Variants in PTPRT observed in about 807,000 individuals in gnomAD.
PTPRT encodes receptor-type tyrosine-protein phosphatase T.
PTPRT carries 56 observed loss-of-function variants against 176.8 expected under a neutral mutation model. The ratio of observed to expected loss-of-function variants is 0.32; its 90% CI spans 0.26 to 0.40. PTPRT has a LOEUF of 0.40. PTPRT is among the 10% of genes least tolerant of loss of function. PTPRT has a pLI of 1.00. For missense variants in PTPRT, 1,540 were observed against 1,908.2 expected (o/e 0.81, Z 3.60); for synonymous variants, 783 against 739.0 (o/e 1.06, Z -0.96).
chr20:43,087,242 T>C (rs2011632602), intron 1 of PTPRT, among the ~76,000 whole-genome samples: 2 of 152,188 alleles, frequency 1.3e-5, no homozygotes, highest in Admixed American at 6.5e-5. Flanking sequence ...CTTAATCTTT[T>C]AAGAGCTATC....
At chr20:42,619,938 G>T (rs1479365421) in intron 7 of PTPRT, among the ~76,000 whole-genome samples, 1 of 147,708 alleles carries the variant, frequency 6.8e-6, no homozygotes, top group Non-Finnish European at 1.5e-5. Context: ...TCTTCTCTCA[G>T]CTCGTCAAAG....
intron 1 of PTPRT, among the ~76,000 whole-genome samples, chr20:43,050,839 A>G (rs1221859720): frequency 6.6e-6 from 1 of 152,220 alleles, no homozygotes; most frequent in African/African-American, 2.4e-5. Context: ...TCCCACTGGA[A>G]GGAGCACAGG....
intron 29 of PTPRT, among the ~76,000 whole-genome samples, chr20:42,084,292 T>G (rs1983649341): frequency 6.6e-6 from 1 of 152,238 alleles, no homozygotes; most frequent in African/African-American, 2.4e-5. Flanking sequence ...GGTCTGGAGC[T>G]CACTGTGCCC....
chr20:43,028,577 T>C (rs897870665), intron 1 of PTPRT, among the ~76,000 whole-genome samples: 1 of 152,156 alleles, frequency 6.6e-6, no homozygotes, highest in Non-Finnish European at 1.5e-5. Flanking sequence ...AGGGTTCTGC[T>C]ATTTCAGGGA....
intron 7 of PTPRT, among the ~76,000 whole-genome samples, chr20:42,588,368 T>C (rs1314789665): frequency 2.0e-5 from 3 of 152,036 alleles, no homozygotes; most frequent in African/African-American, 7.2e-5. Context: ...CACCTGAACC[T>C]GGGAGGTGAA....
At chr20:43,151,691 G>A (rs960023557) in intron 1 of PTPRT, among the ~76,000 whole-genome samples, 14 of 151,710 alleles carry the variant, frequency 9.2e-5, no homozygotes, top group African/African-American at 2.9e-4. Flanking sequence ...GAGAAACCCC[G>A]TCTCTACTAA....
At chr20:42,558,390 T>C (rs561809427) in intron 7 of PTPRT, among the ~76,000 whole-genome samples, 2 of 152,300 alleles carry the variant, frequency 1.3e-5, no homozygotes, top group African/African-American at 4.8e-5. Context: ...TTTAGGTTGA[T>C]TCCATGTTTT....
chr20:42,910,043 C>T (rs1220134996), intron 1 of PTPRT, among the ~76,000 whole-genome samples: 2 of 152,150 alleles, frequency 1.3e-5, no homozygotes, highest in African/African-American at 2.4e-5. Flanking sequence ...TACAGGGACA[C>T]CATAAAGCTG....
chr20:42,133,462 T>C (rs116350634), intron 18 of PTPRT, among the ~76,000 whole-genome samples: 1,587 of 152,324 alleles, frequency 0.01, 29 homozygotes, highest in African/African-American at 0.035. Flanking sequence ...TGTACAATTC[T>C]GACTATATGA....
chr20:42,269,001 T>C (rs2056885819), intron 13 of PTPRT, among the ~76,000 whole-genome samples: 1 of 152,198 alleles, frequency 6.6e-6, no homozygotes, highest in Non-Finnish European at 1.5e-5. Flanking sequence ...CCACAGCCAG[T>C]GGCTGACCAA....
At position 42,076,223 on chromosome 20, in the gene PTPRT, C is replaced by CA. The variant is rs374088404; in HGVS notation, c.*4655dup. On this transcript the variant is annotated 3_prime_UTR_variant, in exon 31 of 31. Coordinates refer to ENST00000373187, the MANE Select transcript of PTPRT (RefSeq NM_007050.6). ...CCTCCAAGGTGCTAGGTGCTGTAGG[C>CA]ACCCAGTAATTATGTGTGGCTAGGG... 389 of 207,156 alleles carry CA rather than the reference C, an allele frequency of 1.9e-3. 1 individual carries two copies. Among genetic ancestry groups the CA allele is most frequent in the Non-Finnish European group, 3.1e-3 (313 of 101,580 alleles). 12.8% of individuals were successfully genotyped at this position (207,156 alleles called of 1,614,324 possible). A position where few individuals can be genotyped will look rare whatever the true frequency, so the allele number is the denominator to read the frequency against.
chr20:42,723,609 C>T (rs190875063), intron 6 of PTPRT, among the ~76,000 whole-genome samples: 1 of 152,192 alleles, frequency 6.6e-6, no homozygotes, highest in Non-Finnish European at 1.5e-5. Flanking sequence ...CATAATACCC[C>T]TCTTCCACTC....
intron 16 of PTPRT, among the ~76,000 whole-genome samples, chr20:42,180,087 G>C (rs760935818): frequency 3.9e-5 from 6 of 152,186 alleles, no homozygotes; most frequent in Non-Finnish European, 7.3e-5. Context: ...ACCCCAGAAG[G>C]CTAGGCTAGT....
intron 7 of PTPRT, among the ~76,000 whole-genome samples, chr20:42,652,081 A>C (rs933251741): frequency 1.6e-5 from 2 of 128,166 alleles, no homozygotes; most frequent in African/African-American, 4.1e-5. Flanking sequence ...CAAAAAAAAC[A>C]AAAAAAAAAA....
intron 2 of PTPRT, among the ~76,000 whole-genome samples, chr20:42,853,609 G>A (rs2078512880): frequency 6.6e-6 from 1 of 152,148 alleles, no homozygotes; most frequent in South Asian, 2.1e-4. Flanking sequence ...TTCTATTCTG[G>A]TGCTCGAACG....
intron 11 of PTPRT, among the ~76,000 whole-genome samples, chr20:42,345,489 T>A (rs935009176): frequency 1.0e-4 from 15 of 148,842 alleles, no homozygotes; most frequent in Admixed American, 2.7e-4. Flanking sequence ...ACTATAGATA[T>A]ACACATATAT....
intron 4 of PTPRT, among the ~76,000 whole-genome samples, chr20:42,775,505 T>A (rs1462330689): frequency 6.6e-6 from 1 of 152,224 alleles, no homozygotes; most frequent in Non-Finnish European, 1.5e-5. Context: ...TGCTAATGGC[T>A]AACACTGAGA....
chr20:42,737,468 TA>T (rs1192040104), intron 6 of PTPRT, among the ~76,000 whole-genome samples: 2 of 151,952 alleles, frequency 1.3e-5, no homozygotes, highest in Non-Finnish European at 2.9e-5. Flanking sequence ...CCGTCTCTAC[TA>T]AAAATGCAAA....
At chr20:43,150,650 T>C (rs1489974373) in intron 1 of PTPRT, among the ~76,000 whole-genome samples, 1 of 151,932 alleles carries the variant, frequency 6.6e-6, no homozygotes, top group Non-Finnish European at 1.5e-5. Context: ...AGAAATGGGG[T>C]TTCACCATGT....
Sources: gnomAD v4.1 joint callset for allele counts (sites outside exome capture counted in the v4.1 genomes callset) on GRCh38, gnomAD v4.1.1 for gene constraint, MANE v1.5 for transcripts, NCBI Gene and HGNC (gene_info 2026-07-23, HGNC 2026-07-21) for gene names.